GIMAP8: variants seen among roughly 807,000 people sequenced by gnomAD.
GIMAP8 encodes GTPase IMAP family member 8.
GIMAP8 carries 29 observed loss-of-function variants against 35.6 expected under a neutral mutation model. That is an observed-to-expected ratio of 0.81 (90% CI 0.61 to 1.11). The LOEUF (loss-of-function observed/expected upper bound fraction) is 1.11, where lower values mean the gene tolerates loss of function less well. Ranked by LOEUF, GIMAP8 falls within the 50% of genes most tolerant of loss-of-function variation. The probability of loss-of-function intolerance (pLI) is 0.00; values close to 1 mark genes in which losing one functional copy is unlikely to be tolerated. For missense variants in GIMAP8, 811 were observed against 805.0 expected, an observed-to-expected ratio of 1.01 and a Z score of -0.09; for synonymous variants, 335 against 308.7, an observed-to-expected ratio of 1.09 and a Z score of -0.89.
At chr7:150,467,747 G>A (rs1046937247) in intron 2 of GIMAP8, among the ~76,000 whole-genome samples, 1 of 152,018 alleles carries the variant, frequency 6.6e-6, no homozygotes. Flanking sequence ...CATCCTCAGG[G>A]CTTGGTTCTG....
chr7:150,459,639 G>A (rs955279576), intron 1 of GIMAP8, among the ~76,000 whole-genome samples: 4 of 152,188 alleles, frequency 2.6e-5, no homozygotes, highest in Non-Finnish European at 4.4e-5. Flanking sequence ...CGTAGCTGGT[G>A]CTATAACTGA....
chr7:150,453,916 C>T (rs922478138), intron 1 of GIMAP8, among the ~76,000 whole-genome samples: 1 of 147,146 alleles, frequency 6.8e-6, no homozygotes, highest in Non-Finnish European at 1.5e-5. Flanking sequence ...GTGGCAGTGG[C>T]GGGTGCTAGG....
Position 150,477,440 on chromosome 7 carries a change from G to A in GIMAP8, c.1658G>A (p.Gly553Glu). 6.2e-7 allele frequency: 1 copy of A among 1,613,742 alleles called. No homozygotes were observed. The highest frequency in any genetic ancestry group is 8.5e-7 in the Non-Finnish European group (1 of 1,179,598). Residue 553 changes from glycine (G) to glutamate (E), a missense_variant, in exon 5 of 5, where the codon GGA becomes GAA. Coordinates refer to ENST00000307271, the MANE Select transcript of GIMAP8 (RefSeq NM_175571.4). Reference protein sequence around the residue: ...TAVAKLEAIFGADFTKYAIML... With the variant: ...TAVAKLEAIFEADFTKYAIML... ...GTGGCGAAACTGGAGGCCATCTTTG[G>A]AGCAGACTTTACGAAATACGCGATT...
Position 150,467,235 on chromosome 7 carries a change from C to A in GIMAP8, c.537C>A (p.Ile179=), listed in dbSNP as rs1395325131. 1 of 1,614,228 alleles carries A rather than the reference C, an allele frequency of 6.2e-7. No homozygotes were observed. Among genetic ancestry groups the A allele is most frequent in the Non-Finnish European group, 8.5e-7 (1 of 1,180,016 alleles). The part of the protein sequence containing the change: ...NNKTNSKDEQ[I]TQVLELLRKV... ...AGACCAATAGTAAGGATGAGCAGAT[C>A]ACCCAGGTGTTGGAGCTCCTTCGCA... Residue 179 remains isoleucine (I), a synonymous_variant, in exon 2 of 5, where the codon ATC becomes ATA. Coordinates refer to ENST00000307271, the MANE Select transcript of GIMAP8 (RefSeq NM_175571.4).
At chr7:150,463,465 C>T (rs907736880) in intron 1 of GIMAP8, among the ~76,000 whole-genome samples, 1 of 152,168 alleles carries the variant, frequency 6.6e-6, no homozygotes, top group Non-Finnish European at 1.5e-5. Flanking sequence ...ACAGTTGCTT[C>T]TTTCAATTTT....
In GIMAP8 at chr7:150,477,312, A is replaced by G; in HGVS notation, c.1530A>G (p.Leu510=). ...MLDVEKDPSR[L]EEEVKRCLSC... ...ATGTCGAAAAGGACCCATCCCGGTT[A>G]GAAGAGGAGGTCAAGCGCTGTTTGT... The change falls in exon 5 of 5, where the codon TTA becomes TTG. Residue 510 remains leucine (L), a synonymous_variant. Transcript: ENST00000307271. The G allele has an allele frequency of 6.2e-7, 1 of 1,614,158 alleles. No individual in the cohort carries two copies.
At chr7:150,473,945 A>G (rs1585119803) in intron 3 of GIMAP8, 67 bp from the exon 4 acceptor site, 3 of 1,513,334 alleles carry the variant, frequency 2.0e-6, no homozygotes, top group Non-Finnish European at 1.8e-6. Context: ...ATGAGAAATC[A>G]TAAAACCTGC....
rs746749799 is a variant in GIMAP8, at chr7:150,466,950, A to G, written c.252A>G (p.Gln84=). 5.6e-6 allele frequency: 9 copies of G among 1,614,112 alleles called. No homozygotes were observed. The highest frequency in any genetic ancestry group is 4.0e-5 in the African/African-American group (3 of 74,938). Residue 84 remains glutamine, a synonymous_variant, in exon 2 of 5, where the codon CAA becomes CAG. Coordinates refer to ENST00000307271, the MANE Select transcript of GIMAP8 (RefSeq NM_175571.4). The stretch of plus-strand genomic sequence containing the variant: ...CTGAAGACAAGCAACGCAACATCCA[A>G]CACTGCTTGGAGCTCTCTGCTCCCA... ...ACAEDKQRNI[Q]HCLELSAPSL...
In GIMAP8 at chr7:150,475,254, GTACCTGTACC is replaced by G. The variant is rs1384854323; in HGVS notation, c.1309+619_1309+628del. Among the ~76,000 whole-genome samples the G allele has an allele frequency of 7.2e-5, 11 of 152,196 alleles. No individual in the cohort carries two copies. The South Asian group carries it at 2.1e-3, about 29-fold the overall frequency. On this transcript the variant is annotated intron_variant, in intron 4 of 4. Transcript: ENST00000307271. ...CTGCCTATTATTCTATGGTGTATAT[GTACCTGTACC>G]TAAAATAAAAGTTGAAATGAAACAA...
At position 150,477,058 on chromosome 7, in the gene GIMAP8, A is replaced by G. The variant is rs768940905; in HGVS notation, c.1310-34A>G. On this transcript the variant is annotated intron_variant, in intron 4 of 4. Transcript: ENST00000307271. The stretch of plus-strand genomic sequence containing the variant: ...TTAAAATCCAATTTCAGATCAGCCC[A>G]TGGTCACGAATCTTTCCCACTTTCC... 40 of 1,537,818 alleles carry G rather than the reference A, an allele frequency of 2.6e-5. No homozygotes were observed. The South Asian group carries it at 4.1e-4, about 16-fold the overall frequency.
chr7:150,477,125 G>C lies in GIMAP8; in HGVS notation c.1343G>C (p.Gly448Ala). The C allele has an allele frequency of 6.2e-7, 1 of 1,610,582 alleles. No homozygotes were observed. The highest frequency in any genetic ancestry group is 1.1e-5 in the South Asian group (1 of 91,048). ...TLNIVLVGRS[G>A]TGKSATGNSI... ...AACATTGTCCTTGTGGGGAGAAGCG[G>C]GACTGGGAAGAGTGCGACCGGGAAC... Residue 448 changes from glycine (G) to alanine (A), a missense_variant, in exon 5 of 5, where the codon GGG (glycine) becomes GCG (alanine). Transcript: ENST00000307271.
At position 150,475,585 on chromosome 7, in the gene GIMAP8, A is replaced by C. The variant is rs1166361350; in HGVS notation, c.1309+947A>C. ...CTTAAGAAGGGCTCCTCATCCACTTAGTGCTACACGTTCAGTTGACCTATG... is the reference window on the plus strand; with the variant it reads ...CTTAAGAAGGGCTCCTCATCCACTTCGTGCTACACGTTCAGTTGACCTATG... On this transcript the variant is annotated intron_variant, in intron 4 of 4. Coordinates refer to ENST00000307271, the MANE Select transcript of GIMAP8 (RefSeq NM_175571.4). 5.9e-5 allele frequency among the ~76,000 whole-genome samples: 9 copies of C among 152,248 alleles called. No homozygotes were observed. The East Asian group carries it at 1.7e-3, about 29-fold the overall frequency.
intron 2 of GIMAP8, among the ~76,000 whole-genome samples, chr7:150,467,879 T>C (rs527663214): frequency 6.6e-6 from 1 of 152,290 alleles, no homozygotes; most frequent in African/African-American, 2.4e-5. Flanking sequence ...GTCCTCTGAG[T>C]TCTGCCTCCT....
Position 150,474,510 on chromosome 7 carries a change from A to AG in GIMAP8, c.1181_1182insG (p.Asn394LysfsTer4). 1.2e-6 allele frequency: 2 copies of AG among 1,611,894 alleles called. No homozygotes were observed. The highest frequency in any genetic ancestry group is 1.7e-6 in the Non-Finnish European group (2 of 1,177,916). On this transcript the variant is annotated frameshift_variant, in exon 4 of 5. Transcript: ENST00000307271. LOFTEE classifies it high-confidence loss of function. ...TATGGTCTCATCCAGAAGTGTAAAAACAGATATAGTGCCTTCAACTACCGG... is the reference window on the plus strand; with the variant it reads ...TATGGTCTCATCCAGAAGTGTAAAAAGCAGATATAGTGCCTTCAACTACCGG...
intron 1 of GIMAP8, among the ~76,000 whole-genome samples, chr7:150,460,779 A>C (rs1285764004): frequency 6.6e-6 from 1 of 152,204 alleles, no homozygotes; most frequent in Non-Finnish European, 1.5e-5. Context: ...TTTTCATGTA[A>C]CTTGTGCATT....
intron 1 of GIMAP8, among the ~76,000 whole-genome samples, chr7:150,455,527 G>A (rs1160967518): frequency 3.3e-5 from 5 of 152,192 alleles, no homozygotes; most frequent in African/African-American, 7.2e-5. Context: ...GTGGACCTAC[G>A]GGCACTTGGC....
chr7:150,477,066 GA>G, intron 4 of GIMAP8, 25 bp from the exon 5 acceptor site: 1 of 1,572,770 alleles, frequency 6.4e-7, no homozygotes, highest in Non-Finnish European at 8.7e-7. Context: ...CCATGGTCAC[GA>G]ATCTTTCCCA....
chr7:150,460,722 G>A (rs1801825772), intron 1 of GIMAP8, among the ~76,000 whole-genome samples: 1 of 152,246 alleles, frequency 6.6e-6, no homozygotes, highest in African/African-American at 2.4e-5. Flanking sequence ...GATTGGGAGA[G>A]AGAAGGCAGT....
chr7:150,477,817 A>G lies in GIMAP8; in HGVS notation c.*37A>G. The G allele has an allele frequency of 6.6e-7, 1 of 1,519,002 alleles. No homozygotes were observed. The highest frequency in any genetic ancestry group is 9.0e-7 in the Non-Finnish European group (1 of 1,109,474). 94.1% of individuals were successfully genotyped at this position (1,519,002 alleles called of 1,614,324 possible). ...GCCTGGGGTCTCTTCAATTAGAGAC[A>G]CCCTCAGGTTGGGGGGAGGGGCGGG... On this transcript the variant is annotated 3_prime_UTR_variant, in exon 5 of 5. Coordinates refer to ENST00000307271, the MANE Select transcript of GIMAP8 (RefSeq NM_175571.4).
Sources: gnomAD v4.1 joint callset for allele counts (sites outside exome capture counted in the v4.1 genomes callset) on GRCh38, gnomAD v4.1.1 for gene constraint, MANE v1.5 for transcripts, NCBI Gene and HGNC (gene_info 2026-07-23, HGNC 2026-07-21) for gene names.